The following FSTL5 variants were observed in gnomAD, a reference collection of about 807,000 sequenced individuals.
FSTL5 encodes follistatin like 5.
A neutral mutation model predicts 89.1 loss-of-function variants in FSTL5; 62 were observed. The observed-to-expected ratio is 0.70, with a 90% CI of 0.57 to 0.86. The LOEUF (loss-of-function observed/expected upper bound fraction) is 0.86, where lower values mean the gene tolerates loss of function less well. Among genes scored for constraint, FSTL5 ranks in the 40% least tolerant of loss-of-function variants. The pLI, the probability that FSTL5 is intolerant of heterozygous loss-of-function variation, is 0.00. For synonymous variants in FSTL5, 383 were observed against 346.2 expected (o/e 1.11, Z -1.18); for missense variants, 1,057 against 1,001.6 (o/e 1.06, Z -0.75).
At chr4:161,854,678 A>C (rs1225244864) in intron 4 of FSTL5, among the ~76,000 whole-genome samples, 1 of 152,134 alleles carries the variant, frequency 6.6e-6, no homozygotes, top group Non-Finnish European at 1.5e-5. Context: ...ACTGTGCAAA[A>C]TACTAGCTGG....
At chr4:161,908,502 A>G (rs1382874692) in intron 4 of FSTL5, among the ~76,000 whole-genome samples, 2 of 152,068 alleles carry the variant, frequency 1.3e-5, no homozygotes, top group Admixed American at 1.3e-4. Flanking sequence ...GCTCAATTAA[A>G]TTAATTCATT....
chr4:162,048,486 A>C (rs567159332), intron 2 of FSTL5, among the ~76,000 whole-genome samples: 1 of 152,238 alleles, frequency 6.6e-6, no homozygotes, highest in South Asian at 2.1e-4. Context: ...CAAAGATATA[A>C]TTATGGTGGT....
At chr4:162,120,970 G>T (rs1012331406) in intron 1 of FSTL5, among the ~76,000 whole-genome samples, 8 of 151,674 alleles carry the variant, frequency 5.3e-5, no homozygotes, top group Admixed American at 4.6e-4. Context: ...TGGAGTTTTT[G>T]GTTCATACAT....
At chr4:162,096,470 A>G (rs532374067) in intron 2 of FSTL5, among the ~76,000 whole-genome samples, 1 of 151,934 alleles carries the variant, frequency 6.6e-6, no homozygotes, top group South Asian at 2.1e-4. Flanking sequence ...GGCAATCAAG[A>G]GGGCTGGCTG....
chr4:162,029,031 T>C (rs1281874319), intron 3 of FSTL5, among the ~76,000 whole-genome samples: 1 of 152,066 alleles, frequency 6.6e-6, no homozygotes. Flanking sequence ...TGTCCCCGGA[T>C]ACATTAGGCG....
chr4:161,972,864 C>T (rs1159953089), intron 3 of FSTL5, among the ~76,000 whole-genome samples: 1 of 152,216 alleles, frequency 6.6e-6, no homozygotes, highest in Non-Finnish European at 1.5e-5. Flanking sequence ...GTTTTAATAG[C>T]ATCTCCTCTG....
chr4:161,579,453 C>T (rs1198959604), intron 8 of FSTL5, among the ~76,000 whole-genome samples: 1 of 152,020 alleles, frequency 6.6e-6, no homozygotes, highest in African/African-American at 2.4e-5. Context: ...CACGGTGGCT[C>T]ACACTTGTAA....
At chr4:161,465,670 T>G (rs563060783) in intron 13 of FSTL5, among the ~76,000 whole-genome samples, 1 of 152,302 alleles carries the variant, frequency 6.6e-6, no homozygotes, top group Non-Finnish European at 1.5e-5. Flanking sequence ...GAGACTTACT[T>G]GTAGCTGGCA....
chr4:162,035,898 A>G lies in FSTL5; in HGVS notation c.127-2240T>C, dbSNP rs139374060. 2.5e-3 allele frequency among the ~76,000 whole-genome samples: 377 copies of G among 152,204 alleles called. 4 individuals carry two copies. The highest frequency in any genetic ancestry group is 0.023 in the South Asian group (113 of 4,822). On this transcript the variant is annotated intron_variant, in intron 2 of 15. Coordinates refer to ENST00000306100, the MANE Select transcript of FSTL5 (RefSeq NM_020116.5). ...TTTTGCTGTGAGAGAGCCAACAAAG[A>G]TGACTCCAAGGGTCTGAGCTGCTAT...
intron 5 of FSTL5, among the ~76,000 whole-genome samples, chr4:161,767,702 T>G (rs73860718): frequency 1.9e-4 from 29 of 152,264 alleles, no homozygotes; most frequent in African/African-American, 6.5e-4. Flanking sequence ...TTTTAGTTCT[T>G]TCATTACCAG....
intron 3 of FSTL5, among the ~76,000 whole-genome samples, chr4:162,007,680 T>C (rs1736650539): frequency 6.6e-6 from 1 of 151,796 alleles, no homozygotes; most frequent in Non-Finnish European, 1.5e-5. Context: ...GCAAATTTGA[T>C]GTGACTCTCT....
intron 6 of FSTL5, among the ~76,000 whole-genome samples, chr4:161,674,920 G>C (rs956669541): frequency 6.6e-6 from 1 of 152,042 alleles, no homozygotes; most frequent in Non-Finnish European, 1.5e-5. Context: ...GCTCCACTGG[G>C]GATGGAGAAC....
At chr4:161,431,674 G>GA (rs202011794) in intron 15 of FSTL5, among the ~76,000 whole-genome samples, 1 of 152,090 alleles carries the variant, frequency 6.6e-6, no homozygotes, top group East Asian at 1.9e-4. Context: ...TAGAATGGTT[G>GA]AATGGATAAA....
At position 161,386,061 on chromosome 4, in the gene FSTL5, A is replaced by G. The variant is rs1489373059; in HGVS notation, c.2230T>C (p.Phe744Leu). Reference protein sequence around the residue: ...YTNLHISDLAFQPSFTEAHQY... With the variant: ...YTNLHISDLALQPSFTEAHQY... The stretch of plus-strand genomic sequence containing the variant: ...TGGGCTTCAGTAAAGGATGGTTGAA[A>G]TGCCAGATCAGATATGTGCAGATTT... Residue 744 changes from phenylalanine (F) to leucine (L), a missense_variant, in exon 16 of 16, where the codon TTT becomes CTT. Around this residue, in one of 3 missense-constraint regions of FSTL5, gnomAD observed 980 missense variants for 903.2 expected, o/e 1.08. Transcript: ENST00000306100. The G allele has an allele frequency of 6.2e-7, 1 of 1,614,066 alleles. No individual in the cohort carries two copies. Among genetic ancestry groups the G allele is most frequent in the Admixed American group, 1.7e-5 (1 of 60,006 alleles).
rs78635922 is a variant in FSTL5, at chr4:162,053,200, T to C, written c.127-19542A>G. 7.6e-3 allele frequency among the ~76,000 whole-genome samples: 1,158 copies of C among 151,880 alleles called. 15 individuals are homozygous for C. The highest frequency in any genetic ancestry group is 0.027 in the African/African-American group (1,106 of 41,528). ...CCAACGGAAACAACACAGGAATGTA[T>C]ATTTTCAACTTGTGCTCTAGGTAAA... On this transcript the variant is annotated intron_variant, in intron 2 of 15. Transcript: ENST00000306100.
intron 14 of FSTL5, among the ~76,000 whole-genome samples, chr4:161,458,423 T>C (rs1733440611): frequency 6.6e-6 from 1 of 152,188 alleles, no homozygotes; most frequent in South Asian, 2.1e-4. Flanking sequence ...AAGTTAAATA[T>C]TGCAATACTG....
At chr4:161,523,330 T>C (rs1487300511) in intron 10 of FSTL5, among the ~76,000 whole-genome samples, 1 of 152,234 alleles carries the variant, frequency 6.6e-6, no homozygotes, top group Non-Finnish European at 1.5e-5. Flanking sequence ...TATGTATATA[T>C]AGGCAGGAAG....
intron 6 of FSTL5, among the ~76,000 whole-genome samples, chr4:161,719,606 C>T (rs901069828): frequency 1.3e-5 from 2 of 152,104 alleles, no homozygotes; most frequent in Non-Finnish European, 2.9e-5. Flanking sequence ...TCTTCCAATC[C>T]ATGATCACAA....
In FSTL5 at chr4:161,468,821, T is replaced by C. The variant is rs113166589; in HGVS notation, c.1609-9502A>G. Among the ~76,000 whole-genome samples the C allele has an allele frequency of 2.1e-3, 324 of 152,306 alleles. 1 individual carries two copies. Among genetic ancestry groups the C allele is most frequent in the African/African-American group, 7.5e-3 (310 of 41,586 alleles). On this transcript the variant is annotated intron_variant, in intron 13 of 15. Transcript: ENST00000306100. ...GACTGTGTGTATACCTTTTCTTTCA[T>C]TCAATTCTGATAGTATTAATTGTGA...
Sources: gnomAD v4.1 joint callset for allele counts (sites outside exome capture counted in the v4.1 genomes callset) on GRCh38, gnomAD v4.1.1 for gene constraint, gnomAD v4.1.1 regional missense constraint, MANE v1.5 for transcripts, NCBI Gene and HGNC (gene_info 2026-07-23, HGNC 2026-07-21) for gene names.